The following CFAP47 variants were observed in gnomAD, a reference collection of about 807,000 sequenced individuals.
The protein encoded by CFAP47 is cilia and flagella associated protein 47, also known as cilia- and flagella-associated protein 47.
Under a neutral mutation model 148.1 loss-of-function variants are expected in CFAP47, and 29 were observed. The ratio of observed to expected loss-of-function variants is 0.20; its 90% confidence interval spans 0.15 to 0.27. The LOEUF (loss-of-function observed/expected upper bound fraction) is 0.27. CFAP47 is among the 10% of genes least tolerant of loss of function. The probability of loss-of-function intolerance (pLI) is 1.00; values close to 1 mark genes in which losing one functional copy is unlikely to be tolerated. For synonymous variants in CFAP47, 664 were observed against 577.3 expected (o/e 1.15, Z -2.15); for missense variants, 1,872 against 1,697.5 (o/e 1.10, Z -1.81).
intron 26 of CFAP47, among the ~76,000 whole-genome samples, chrX:36,062,237 A>G (rs1937600058): frequency 9.0e-6 from 1 of 111,539 alleles, no homozygotes; most frequent in Non-Finnish European, 1.9e-5. Context: ...ATATCATGAT[A>G]TTTTTTATGA....
intron 25 of CFAP47, among the ~76,000 whole-genome samples, chrX:36,042,503 A>G (rs1437479351): frequency 1.8e-5 from 2 of 111,082 alleles, no homozygotes; most frequent in Admixed American, 9.6e-5. Context: ...CATATAATAT[A>G]TAGAGCACAC....
chrX:36,135,689 G>A (rs1313323105), intron 33 of CFAP47, among the ~76,000 whole-genome samples: 4 of 111,901 alleles, frequency 3.6e-5, no homozygotes, highest in Non-Finnish European at 7.5e-5. Context: ...CAGCACGTTG[G>A]AATTTTGGGG....
intron 39 of CFAP47, among the ~76,000 whole-genome samples, chrX:36,166,094 T>C (rs773827890): frequency 2.7e-5 from 3 of 111,812 alleles, no homozygotes; most frequent in African/African-American, 9.7e-5. Flanking sequence ...TTTCTCTTCA[T>C]TTGTTCGCAT....
intron 40 of CFAP47, among the ~76,000 whole-genome samples, chrX:36,184,605 T>C (rs1326773241): frequency 9.0e-6 from 1 of 111,451 alleles, no homozygotes; most frequent in African/African-American, 3.3e-5. Context: ...ATAGAGATAA[T>C]TTTCTGGGTC....
chrX:36,122,668 T>G (rs1275038169), intron 33 of CFAP47, among the ~76,000 whole-genome samples: 1 of 111,749 alleles, frequency 8.9e-6, no homozygotes, highest in Non-Finnish European at 1.9e-5. Context: ...TTTTAATATT[T>G]GTTAAACTTA....
At chrX:36,261,320 C>CTTTTT (rs143068749) in intron 49 of CFAP47, among the ~76,000 whole-genome samples, 527 of 20,202 alleles carry the variant, frequency 0.026, 13 homozygotes, top group Middle Eastern at 0.043. Flanking sequence ...AGATACTATT[C>CTTTTT]TTTTTTTTTT....
At chrX:36,222,320 T>A (rs1602053555) in intron 45 of CFAP47, among the ~76,000 whole-genome samples, 1 of 110,898 alleles carries the variant, frequency 9.0e-6, no homozygotes, top group East Asian at 2.8e-4. Flanking sequence ...CTTTTTTTCT[T>A]CTTTTCTTCC....
intron 54 of CFAP47, among the ~76,000 whole-genome samples, chrX:36,304,393 A>C (rs1401216311): frequency 2.0e-4 from 12 of 60,054 alleles, no homozygotes; most frequent in Non-Finnish European, 3.2e-4. Context: ...AAAAGTAATC[A>C]AAAAAAAAAA....
chrX:36,059,980 C>G (rs1390269137), intron 26 of CFAP47, among the ~76,000 whole-genome samples: 1 of 111,180 alleles, frequency 9.0e-6, no homozygotes, highest in African/African-American at 3.3e-5. Flanking sequence ...TCTCTTCCTT[C>G]CTCTCTCACC....
intron 62 of CFAP47, chrX:36,368,052 G>C (rs1226893959): frequency 1.8e-5 from 2 of 111,106 alleles, no homozygotes; most frequent in Non-Finnish European, 3.8e-5. Flanking sequence ...GTGATGCAAG[G>C]CTTTATAGAT....
chrX:35,931,145 T>C (rs1169709876), intron 2 of CFAP47, among the ~76,000 whole-genome samples: 2 of 111,331 alleles, frequency 1.8e-5, no homozygotes, highest in Admixed American at 1.9e-4. Flanking sequence ...TCTATGTATT[T>C]AATTTTTTTT....
intron 26 of CFAP47, among the ~76,000 whole-genome samples, chrX:36,049,396 G>A (rs74555362): frequency 0.15 from 15,840 of 108,260 alleles, 1,172 homozygotes; most frequent in East Asian, 0.3. Context: ...ATATGTTTTC[G>A]AGGGTTACAC....
intron 15 of CFAP47, among the ~76,000 whole-genome samples, chrX:35,987,466 G>C (rs1460005490): frequency 9.0e-6 from 1 of 111,399 alleles, no homozygotes; most frequent in Non-Finnish European, 1.9e-5. Flanking sequence ...CCCCCACTAA[G>C]AGCCAGTGTC....
rs1041283578 is a variant in CFAP47 at position 35,953,728 on chromosome X, G to A, written c.1174+9G>A. Reference sequence around the variant, plus strand: ...CTATAAAACCATCAAAAGTAAGTGTGAAATTAACAAAATTATCAAATCCGT... The same window carrying A: ...CTATAAAACCATCAAAAGTAAGTGTAAAATTAACAAAATTATCAAATCCGT... On this transcript the variant is annotated intron_variant, in intron 7 of 63. Coordinates refer to ENST00000378653, the MANE Select transcript of CFAP47 (RefSeq NM_001304548.2). The A allele has an allele frequency of 6.0e-6, 7 of 1,168,409 alleles. No individual in the cohort carries two copies. The highest frequency in any genetic ancestry group is 8.1e-6 in the Non-Finnish European group (7 of 867,946).
At chrX:35,970,196 G>T (rs2146664042) in intron 10 of CFAP47, among the ~76,000 whole-genome samples, 1 of 109,300 alleles carries the variant, frequency 9.1e-6, no homozygotes, top group South Asian at 4.0e-4. Context: ...ATATATGGTG[G>T]GTAAAAAGGA....
intron 40 of CFAP47, among the ~76,000 whole-genome samples, chrX:36,180,869 A>G (rs1939742196): frequency 8.9e-6 from 1 of 112,399 alleles, no homozygotes; most frequent in East Asian, 2.8e-4. Flanking sequence ...AGGTAGCATT[A>G]AAGATACCAA....
chrX:36,066,485 G>C (rs778958538), intron 27 of CFAP47, among the ~76,000 whole-genome samples: 1 of 111,461 alleles, frequency 9.0e-6, no homozygotes, highest in African/African-American at 3.3e-5. Flanking sequence ...CCATTAAGCA[G>C]TACCACTCTG....
At chrX:36,229,789 T>G (rs1306246386) in intron 46 of CFAP47, among the ~76,000 whole-genome samples, 1 of 76,238 alleles carries the variant, frequency 1.3e-5, no homozygotes, top group Non-Finnish European at 2.3e-5. Context: ...GTCCCCAGAG[T>G]GTGATGTTCC....
chrX:36,043,117 G>C (rs1184746096), intron 25 of CFAP47, among the ~76,000 whole-genome samples: 3 of 111,709 alleles, frequency 2.7e-5, no homozygotes, highest in Non-Finnish European at 3.8e-5. Context: ...TTGTATCTCT[G>C]CTTCACACAA....
Sources: gnomAD v4.1 joint callset for allele counts (sites outside exome capture counted in the v4.1 genomes callset) on GRCh38, gnomAD v4.1.1 for gene constraint, MANE v1.5 for transcripts, NCBI Gene and HGNC (gene_info 2026-07-23, HGNC 2026-07-21) for gene names.